ALMS1: variants seen among roughly 807,000 people sequenced by gnomAD.
ALMS1 encodes ALMS1 centrosome and basal body associated protein.
ALMS1 carries 271 observed loss-of-function variants against 352.2 expected under a neutral mutation model. The ratio of observed to expected loss-of-function variants is 0.77; its 90% CI spans 0.70 to 0.85. The LOEUF is 0.85. Ranked by LOEUF, ALMS1 falls within the 40% of genes least tolerant of loss-of-function variation. The pLI is 0.00. For synonymous variants in ALMS1, 1,865 were observed against 1,761.2 expected (o/e 1.06, Z -1.48); for missense variants, 5,445 against 4,870.7 (o/e 1.12, Z -3.51).
chr2:73,430,339 G>C (rs1261994344), intron 6 of ALMS1, among the ~76,000 whole-genome samples: 1 of 152,160 alleles, frequency 6.6e-6, no homozygotes, highest in African/African-American at 2.4e-5. Context: ...GCCTCCCAGA[G>C]TGCTGGGATT....
At chr2:73,513,740 C>A (rs1030696281) in intron 10 of ALMS1, among the ~76,000 whole-genome samples, 1 of 152,168 alleles carries the variant, frequency 6.6e-6, no homozygotes, top group African/African-American at 2.4e-5. Flanking sequence ...GGACCTCCCT[C>A]TTCATGGAAG....
chr2:73,386,195 G>C lies in ALMS1; in HGVS notation c.324+3G>C. 1 of 1,531,664 alleles carries C rather than the reference G, an allele frequency of 6.5e-7. No homozygotes were observed. Among genetic ancestry groups the C allele is most frequent in the East Asian group, 2.5e-5 (1 of 39,964 alleles). 94.9% of individuals were successfully genotyped at this position (1,531,664 alleles called of 1,614,324 possible). On this transcript the variant is annotated splice_donor_region_variant and intron_variant, in intron 1 of 22. Coordinates refer to ENST00000613296, the MANE Select transcript of ALMS1 (RefSeq NM_001378454.1). ...GCGAGCGGACCTCCCTGGAGAAGGT[G>C]AGGCGGGCCGGGGAGGGGTGTGGAG...
chr2:73,394,980 A>ATATATATGTGTATATATATATGTG (rs1670723471), intron 1 of ALMS1, among the ~76,000 whole-genome samples: 4 of 138,960 alleles, frequency 2.9e-5, no homozygotes, highest in East Asian at 2.0e-4. Context: ...GGTATTTTAC[A>ATATATATGTGTATATATATATGTG]TATATATGTG....
intron 10 of ALMS1, among the ~76,000 whole-genome samples, chr2:73,511,658 A>G (rs114584602): frequency 0.014 from 2,174 of 152,310 alleles, 57 homozygotes; most frequent in African/African-American, 0.049. Context: ...TTACATGACC[A>G]TAAGTTTTTT....
At chr2:73,543,949 CAG>C (rs755839737) in intron 12 of ALMS1, among the ~76,000 whole-genome samples, 1 of 152,158 alleles carries the variant, frequency 6.6e-6, no homozygotes, top group Non-Finnish European at 1.5e-5. Context: ...TTGTTGAAGT[CAG>C]TGTGGCGATT....
At chr2:73,549,001 G>A (rs1050774469) in intron 12 of ALMS1, among the ~76,000 whole-genome samples, 7 of 152,152 alleles carry the variant, frequency 4.6e-5, no homozygotes, top group Non-Finnish European at 8.8e-5. Context: ...AGAAGGCTTG[G>A]TGTTTTCCTT....
chr2:73,591,670 G>A (rs773872549), intron 16 of ALMS1, among the ~76,000 whole-genome samples: 2 of 152,126 alleles, frequency 1.3e-5, no homozygotes, highest in Non-Finnish European at 2.9e-5. Flanking sequence ...ACCCCATGAG[G>A]ATATCATGAG....
intron 11 of ALMS1, among the ~76,000 whole-genome samples, chr2:73,525,242 C>T (rs1673765761): frequency 6.6e-6 from 1 of 152,168 alleles, no homozygotes; most frequent in African/African-American, 2.4e-5. Context: ...ACATGGGGTG[C>T]AGATTTATCG....
At chr2:73,420,452 A>G (rs921194556) in intron 3 of ALMS1, among the ~76,000 whole-genome samples, 5 of 152,178 alleles carry the variant, frequency 3.3e-5, no homozygotes, top group Non-Finnish European at 7.4e-5. Context: ...CAAAACCGAA[A>G]ATATTTACCA....
intron 16 of ALMS1, among the ~76,000 whole-genome samples, chr2:73,579,357 G>A (rs377270004): frequency 2.7e-5 from 4 of 150,204 alleles, no homozygotes; most frequent in African/African-American, 9.8e-5. Flanking sequence ...ACTGTACCTG[G>A]CCTTCTTTTT....
intron 16 of ALMS1, among the ~76,000 whole-genome samples, chr2:73,587,035 G>A (rs888860092): frequency 3.3e-5 from 5 of 152,008 alleles, no homozygotes; most frequent in African/African-American, 1.2e-4. Context: ...TTGTTTTGCA[G>A]TTGTTGTAAA....
chr2:73,429,278 C>CTTTTTTTTTT (rs5832107), intron 6 of ALMS1, among the ~76,000 whole-genome samples: 7 of 102,708 alleles, frequency 6.8e-5, no homozygotes, highest in Admixed American at 1.0e-4. Flanking sequence ...AATTAATATG[C>CTTTTTTTTTT]TTTTTTTTTT....
Position 73,557,250 on chromosome 2 carries a change from A to C in ALMS1, c.10109A>C (p.Asp3370Ala), listed in dbSNP as rs1488746061. ...DASVQVLITG[D>A]ENLSDKKQQE... ...TCAGTTCAAGTGCTAATCACTGGGGATGAGAACCTCTCAGACAAAAAACAG... is the reference window on the plus strand; with the variant it reads ...TCAGTTCAAGTGCTAATCACTGGGGCTGAGAACCTCTCAGACAAAAAACAG... Residue 3370 changes from aspartate (D) to alanine (A), a missense_variant, in exon 14 of 23, where the codon GAT becomes GCT. Transcript: ENST00000613296. 1 of 1,614,152 alleles carries C rather than the reference A, an allele frequency of 6.2e-7. No homozygotes were observed. The highest frequency in any genetic ancestry group is 1.7e-5 in the Admixed American group (1 of 60,016).
intron 12 of ALMS1, among the ~76,000 whole-genome samples, chr2:73,545,603 C>T (rs1465446703): frequency 6.6e-6 from 1 of 152,092 alleles, no homozygotes; most frequent in East Asian, 1.9e-4. Flanking sequence ...ACGAAATTAG[C>T]AAAGTAACAG....
At chr2:73,538,249 T>A (rs1674074568) in intron 12 of ALMS1, among the ~76,000 whole-genome samples, 2 of 152,140 alleles carry the variant, frequency 1.3e-5, no homozygotes, top group South Asian at 4.1e-4. Flanking sequence ...GCACAGAATC[T>A]GATGGACATT....
At chr2:73,456,086 A>G (rs1672054094) in intron 9 of ALMS1, among the ~76,000 whole-genome samples, 1 of 152,224 alleles carries the variant, frequency 6.6e-6, no homozygotes, top group South Asian at 2.1e-4. Flanking sequence ...AATAATTCCC[A>G]TATATTTACT....
At chr2:73,590,967 C>T (rs1158279560) in intron 16 of ALMS1, among the ~76,000 whole-genome samples, 5 of 152,096 alleles carry the variant, frequency 3.3e-5, no homozygotes, top group Admixed American at 2.0e-4. Flanking sequence ...TGAGCCACCG[C>T]GCCCGGCCCC....
chr2:73,544,127 G>C (rs1216639286), intron 12 of ALMS1, among the ~76,000 whole-genome samples: 2 of 152,082 alleles, frequency 1.3e-5, no homozygotes, highest in Non-Finnish European at 2.9e-5. Flanking sequence ...AAATGTCCAA[G>C]AATGATAGAC....
chr2:73,398,568 A>G (rs577297792), intron 1 of ALMS1, among the ~76,000 whole-genome samples: 1 of 152,238 alleles, frequency 6.6e-6, no homozygotes, highest in African/African-American at 2.4e-5. Flanking sequence ...TGAGTATTTC[A>G]TGAAGTTGAA....
Sources: gnomAD v4.1 joint callset for allele counts (sites outside exome capture counted in the v4.1 genomes callset) on GRCh38, gnomAD v4.1.1 for gene constraint, MANE v1.5 for transcripts, NCBI Gene and HGNC (gene_info 2026-07-23, HGNC 2026-07-21) for gene names.